STK17A: variants seen among roughly 807,000 people sequenced by gnomAD.
STK17A encodes serine/threonine-protein kinase 17A.
STK17A carries 26 observed loss-of-function variants against 43.7 expected under a neutral mutation model. That is an observed-to-expected ratio of 0.60 (90% CI 0.44 to 0.83). The LOEUF is 0.83. Among genes scored for constraint, STK17A ranks in the 40% least tolerant of loss-of-function variants. STK17A has a pLI of 0.00. For missense variants in STK17A, 476 were observed against 511.6 expected, an observed-to-expected ratio of 0.93 and a Z score of 0.67; for synonymous variants, 191 against 182.5, an observed-to-expected ratio of 1.05 and a Z score of -0.38.
chr7:43,623,844 G>A lies in STK17A; in HGVS notation c.876G>A (p.Glu292=), dbSNP rs535329496. Residue 292 remains glutamate (E), a synonymous_variant, in exon 6 of 7, where the codon GAG becomes GAA. Transcript: ENST00000319357. ...YSEEEFDVLS[E]SAVDFIRTLL... is the part of the protein sequence containing the mutation. ...AGGAAGAATTTGATGTTTTGTCTGA[G>A]TCGGCTGTTGATTTCATCAGGACAC... The A allele has an allele frequency of 5.0e-6, 8 of 1,595,386 alleles. No individual in the cohort carries two copies. In the East Asian group the frequency reaches 1.1e-4, roughly 23 times the overall value.
At chr7:43,587,884 TAA>T (rs2082454131) in intron 1 of STK17A, among the ~76,000 whole-genome samples, 1 of 151,658 alleles carries the variant, frequency 6.6e-6, no homozygotes, top group South Asian at 2.1e-4. Flanking sequence ...GCAGGTACTT[TAA>T]GTCAGTCAGC....
rs2084445852 is a variant in STK17A, at chr7:43,625,753, C to CAGAGAGCGAG, written c.*917_*918insCGAGAGAGAG. ...CCAAAGTGAGTAAAATCCCCTAGAG[C>CAGAGAGCGAG]AGAGAGAGAGAGAGAGAGAGAGAGT... is the stretch of plus-strand genomic sequence containing the variant. On this transcript the variant is annotated 3_prime_UTR_variant, in exon 7 of 7. Transcript: ENST00000319357. 1 of 149,584 alleles carries CAGAGAGCGAG rather than the reference C, an allele frequency of 6.7e-6. No homozygotes were observed. Among genetic ancestry groups the CAGAGAGCGAG allele is most frequent in the African/African-American group, 2.5e-5 (1 of 40,406 alleles). 9.3% of individuals were successfully genotyped at this position (149,584 alleles called of 1,614,324 possible).
At chr7:43,585,885 A>T (rs2082435561) in intron 1 of STK17A, among the ~76,000 whole-genome samples, 1 of 151,632 alleles carries the variant, frequency 6.6e-6, no homozygotes, top group Non-Finnish European at 1.5e-5. Flanking sequence ...ATCTCAAAAA[A>T]TGCCTCTATG....
intron 3 of STK17A, among the ~76,000 whole-genome samples, chr7:43,614,951 A>C (rs542187794): frequency 6.6e-6 from 1 of 152,368 alleles, no homozygotes; most frequent in South Asian, 2.1e-4. Context: ...TTAAGGGAAC[A>C]AATGGTATTT....
At chr7:43,606,075 T>G (rs1010239737) in intron 2 of STK17A, among the ~76,000 whole-genome samples, 2 of 152,118 alleles carry the variant, frequency 1.3e-5, no homozygotes, top group Admixed American at 1.3e-4. Flanking sequence ...ATCAAGTCAT[T>G]TAATATATAA....
rs6950861 is a variant in STK17A, at chr7:43,619,583, G to A, written c.565-14G>A. The A allele has an allele frequency of 0.22, 356,175 of 1,608,862 alleles. 41,086 individuals carry two copies. Among genetic ancestry groups the A allele is most frequent in the East Asian group, 0.31 (14,017 of 44,764 alleles). ...TAGTTATATTGATTTTTGCGGGGGT[G>A]TATTTTCTTTTAGCCTCAGAATATT... On this transcript the variant is annotated splice_polypyrimidine_tract_variant and intron_variant, in intron 3 of 6. Coordinates refer to ENST00000319357, the MANE Select transcript of STK17A (RefSeq NM_004760.3).
At chr7:43,589,658 C>T (rs1241264127) in intron 1 of STK17A, among the ~76,000 whole-genome samples, 1 of 142,730 alleles carries the variant, frequency 7.0e-6, no homozygotes, top group Admixed American at 6.8e-5. Flanking sequence ...AAAAGTCATC[C>T]ATGACTTTCA....
At chr7:43,601,194 G>A (rs536835631) in intron 2 of STK17A, among the ~76,000 whole-genome samples, 1 of 152,274 alleles carries the variant, frequency 6.6e-6, no homozygotes, top group East Asian at 1.9e-4. Context: ...AGTCTGGATG[G>A]CTAAAATATT....
At chr7:43,594,649 A>T (rs910975845) in intron 1 of STK17A, among the ~76,000 whole-genome samples, 4 of 152,236 alleles carry the variant, frequency 2.6e-5, no homozygotes, top group Admixed American at 6.5e-5. Flanking sequence ...TGTGATTAGT[A>T]ATATTTATTG....
intron 2 of STK17A, among the ~76,000 whole-genome samples, 153 bp downstream of exon 2, chr7:43,596,266 A>G (rs1158472605): frequency 4.6e-5 from 7 of 152,190 alleles, no homozygotes; most frequent in South Asian, 2.1e-4. Flanking sequence ...TTAATATAAC[A>G]TGTTCCAAAT....
rs936019752 is a variant in STK17A at position 43,591,484 on chromosome 7, C to T, written c.207-4417C>T. Among the ~76,000 whole-genome samples the T allele has an allele frequency of 1.3e-5, 2 of 151,440 alleles. 1 individual carries two copies. Among genetic ancestry groups the T allele is most frequent in the Non-Finnish European group, 3.0e-5 (2 of 67,622 alleles). On this transcript the variant is annotated intron_variant, in intron 1 of 6. Coordinates refer to ENST00000319357, the MANE Select transcript of STK17A (RefSeq NM_004760.3). ...CCAAAAATATTTACCATCTTGCTTG[C>T]CCTTCACAGAAAAACTTGCTGACCC...
chr7:43,610,679 G>A (rs1289500213), intron 3 of STK17A, among the ~76,000 whole-genome samples: 1 of 152,024 alleles, frequency 6.6e-6, no homozygotes, highest in Admixed American at 6.6e-5. Context: ...AAAAAGAACT[G>A]CTATATGGCA....
At chr7:43,619,161 T>G (rs1187453127) in intron 3 of STK17A, among the ~76,000 whole-genome samples, 2 of 152,164 alleles carry the variant, frequency 1.3e-5, no homozygotes, top group Non-Finnish European at 2.9e-5. Flanking sequence ...TCTTTGATTA[T>G]TGAAGTTATT....
intron 6 of STK17A, among the ~76,000 whole-genome samples, chr7:43,624,273 G>A (rs2084249936): frequency 6.6e-6 from 1 of 152,080 alleles, no homozygotes; most frequent in Non-Finnish European, 1.5e-5. Flanking sequence ...TCTGTTCTTG[G>A]TGTCTCTCAA....
chr7:43,583,818 A>C (rs2082420374), intron 1 of STK17A, among the ~76,000 whole-genome samples: 1 of 152,116 alleles, frequency 6.6e-6, no homozygotes, highest in Admixed American at 6.5e-5. Flanking sequence ...AGGTCTGTGG[A>C]GCCGACTTTG....
intron 3 of STK17A, among the ~76,000 whole-genome samples, chr7:43,614,192 C>T (rs1265513174): frequency 3.3e-5 from 5 of 152,260 alleles, no homozygotes; most frequent in Non-Finnish European, 5.9e-5. Context: ...GTTCAGTAAA[C>T]GTTAAATGGA....
At chr7:43,606,017 AT>A (rs35358851) in intron 2 of STK17A, among the ~76,000 whole-genome samples, 24,242 of 149,258 alleles carry the variant, frequency 0.16, 2,287 homozygotes, top group Non-Finnish European at 0.22. Context: ...TCTTTCCAAG[AT>A]TTTTTTTTTC....
At chr7:43,605,777 G>T (rs927163833) in intron 2 of STK17A, among the ~76,000 whole-genome samples, 2 of 151,936 alleles carry the variant, frequency 1.3e-5, no homozygotes, top group African/African-American at 4.8e-5. Flanking sequence ...TTGTTCTAAT[G>T]CCTGAAATAG....
chr7:43,625,024 G>C lies in STK17A; in HGVS notation c.*182G>C. 1.9e-6 allele frequency: 1 copy of C among 526,364 alleles called. No homozygotes were observed. The highest frequency in any genetic ancestry group is 3.7e-5 in the Admixed American group (1 of 26,738). The allele number at this position is 526,364 out of a possible 1,614,324, so 32.6% of individuals were successfully genotyped here. A position where few individuals can be genotyped will look rare whatever the true frequency, so the allele number is the denominator to read the frequency against. On this transcript the variant is annotated 3_prime_UTR_variant, in exon 7 of 7. Coordinates refer to ENST00000319357, the MANE Select transcript of STK17A (RefSeq NM_004760.3). ...CCAGATTTTAAAAGTTGCCAACCAG[G>C]AGATTTAACAGGTACAGTTACCCGT...
Sources: gnomAD v4.1 joint callset for allele counts (sites outside exome capture counted in the v4.1 genomes callset) on GRCh38, gnomAD v4.1.1 for gene constraint, MANE v1.5 for transcripts, NCBI Gene and HGNC (gene_info 2026-07-23, HGNC 2026-07-21) for gene names.